Variants in TCF4 observed in about 807,000 individuals in gnomAD.
The protein encoded by TCF4 is transcription factor 4, also known as SL3-3 enhancer factor 2.
In TCF4, 3 loss-of-function variants were observed where a neutral mutation model predicts 82.1. That is an observed-to-expected ratio of 0.04 (90% CI 0.02 to 0.09). The LOEUF (loss-of-function observed/expected upper bound fraction) is 0.09, where lower values mean the gene tolerates loss of function less well. Among genes scored for constraint, TCF4 ranks in the 10% least tolerant of loss-of-function variants. The pLI is 1.00. For synonymous variants in TCF4, 276 were observed against 309.6 expected, an observed-to-expected ratio of 0.89 and a Z score of 1.14; for missense variants, 518 against 852.7, an observed-to-expected ratio of 0.61 and a Z score of 4.89.
At chr18:55,394,691 C>T (rs2093384063) in intron 6 of TCF4, among the ~76,000 whole-genome samples, 1 of 152,178 alleles carries the variant, frequency 6.6e-6, no homozygotes, top group South Asian at 2.1e-4. Context: ...AAGGCAAATG[C>T]AAAGAAATAT....
chr18:55,511,156 T>TATACTTTTAATATCATTTTCAACACAC (rs1603617905), intron 3 of TCF4, among the ~76,000 whole-genome samples: 1 of 152,136 alleles, frequency 6.6e-6, no homozygotes, highest in East Asian at 1.9e-4. Flanking sequence ...ACATAACACA[T>TATACTTTTAATATCATTTTCAACACAC]ATACTTTTAA....
intron 3 of TCF4, chr18:55,551,791 C>G (rs955517702): frequency 4.6e-5 from 7 of 151,656 alleles, no homozygotes; most frequent in Non-Finnish European, 1.0e-4. Flanking sequence ...GGAAATAGGA[C>G]TTTTTTTTTC....
intron 3 of TCF4, among the ~76,000 whole-genome samples, chr18:55,484,975 A>G (rs2096494495): frequency 6.6e-6 from 1 of 152,206 alleles, no homozygotes; most frequent in South Asian, 2.1e-4. Flanking sequence ...CCTACAGCCA[A>G]TCACACCCCT....
intron 3 of TCF4, among the ~76,000 whole-genome samples, chr18:55,509,334 G>GACACAC (rs35790117): frequency 2.5e-4 from 38 of 150,100 alleles, no homozygotes; most frequent in Non-Finnish European, 4.6e-4. Flanking sequence ...CACACAGACA[G>GACACAC]ACACACACAC....
intron 3 of TCF4, among the ~76,000 whole-genome samples, chr18:55,482,516 A>T (rs1197310145): frequency 1.3e-5 from 2 of 152,210 alleles, no homozygotes; most frequent in Non-Finnish European, 2.9e-5. Flanking sequence ...AGACAACCAC[A>T]GGTTGGAGAC....
chr18:55,455,498 C>T (rs902395115), intron 5 of TCF4, among the ~76,000 whole-genome samples: 3 of 144,056 alleles, frequency 2.1e-5, no homozygotes, highest in Non-Finnish European at 4.5e-5. Flanking sequence ...GAGTTGATGT[C>T]GAGATAACAT....
intron 6 of TCF4, among the ~76,000 whole-genome samples, chr18:55,365,621 T>C (rs1048798437): frequency 1.1e-4 from 17 of 152,184 alleles, no homozygotes; most frequent in African/African-American, 3.9e-4. Flanking sequence ...AAGTTTTGGC[T>C]GGGCACAGTG....
intron 11 of TCF4, chr18:55,268,853 T>C (rs2059754315): frequency 6.6e-6 from 1 of 152,184 alleles, no homozygotes; most frequent in Non-Finnish European, 1.5e-5. Context: ...CCACCGACGC[T>C]CTGACAGTGA....
Position 55,466,552 on chromosome 18 carries a change from G to T in TCF4, c.146-2415C>A, listed in dbSNP as rs147530284. 5.8e-3 allele frequency among the ~76,000 whole-genome samples: 880 copies of T among 152,190 alleles called. 8 individuals are homozygous for T. The highest frequency in any genetic ancestry group is 0.02 in the African/African-American group (814 of 41,520). ...TGACCCCAAATAAAAATTGTGTTGA[G>T]ATTGAGAAGCCCTGTGCTAGAGCAA... is the stretch of plus-strand genomic sequence containing the variant. On this transcript the variant is annotated intron_variant, in intron 3 of 19. Transcript: ENST00000354452.
At chr18:55,321,566 G>A (rs987982764) in intron 8 of TCF4, 12 of 1,477,060 alleles carry the variant, frequency 8.1e-6, no homozygotes, top group East Asian at 2.5e-5. Flanking sequence ...AGGAAGGTGC[G>A]GCAGTCCTGC....
chr18:55,325,650 C>CA (rs1180877746), intron 8 of TCF4, among the ~76,000 whole-genome samples: 3 of 152,128 alleles, frequency 2.0e-5, no homozygotes, highest in Non-Finnish European at 4.4e-5. Flanking sequence ...TGAACAACTC[C>CA]ATGTTTCTGT....
chr18:55,234,756 G>A (rs1390299859), intron 15 of TCF4, 73 bp from the exon 16 acceptor site: 2 of 1,607,004 alleles, frequency 1.2e-6, no homozygotes, highest in Non-Finnish European at 1.7e-6. Flanking sequence ...AGGCCAAGAG[G>A]ACCTGATGAA....
Position 55,234,586 on chromosome 18 carries a change from G to A in TCF4, c.1448C>T (p.Thr483Ile), listed in dbSNP as rs773663759. 6.2e-7 allele frequency: 1 copy of A among 1,614,152 alleles called. No homozygotes were observed. Among genetic ancestry groups the A allele is most frequent in the Non-Finnish European group, 8.5e-7 (1 of 1,180,008 alleles). ...PVPQLPVQSA[T>I]SPDLNPPQDP... ...CTGGGGTGGGTTCAGGTCAGGGGAA[G>A]TCGCAGACTGGACAGGAAGCTGTGG... Residue 483 changes from threonine to isoleucine, a missense_variant, in exon 16 of 20, where the codon ACT becomes ATT. This residue lies in a region of TCF4 where 144 missense variants were observed against 190.2 expected (regional missense o/e 0.76). Transcript: ENST00000354452.
At chr18:55,535,165 A>G (rs1011319599) in intron 3 of TCF4, among the ~76,000 whole-genome samples, 7 of 152,234 alleles carry the variant, frequency 4.6e-5, no homozygotes, top group African/African-American at 1.7e-4. Flanking sequence ...GTGTTCCAGT[A>G]GTCAGCTAAG....
intron 6 of TCF4, among the ~76,000 whole-genome samples, chr18:55,389,074 C>T (rs550939321): frequency 1.4e-4 from 21 of 151,504 alleles, no homozygotes; most frequent in Admixed American, 1.2e-3. Context: ...TGCAGTGAGC[C>T]GAGATCACAC....
intron 2 of TCF4, among the ~76,000 whole-genome samples, chr18:55,606,947 C>T (rs2097702713): frequency 6.6e-6 from 1 of 152,002 alleles, no homozygotes; most frequent in Non-Finnish European, 1.5e-5. Flanking sequence ...TATTATCCTC[C>T]CTAGAAATGC....
chr18:55,328,797 A>G (rs1273620178), intron 8 of TCF4, among the ~76,000 whole-genome samples: 3 of 152,224 alleles, frequency 2.0e-5, no homozygotes, highest in African/African-American at 7.2e-5. Context: ...TTGTGAATAA[A>G]TATCAGGCTT....
upstream of TCF4, chr18:55,588,581 T>G (rs1311962918): frequency 6.6e-7 from 1 of 1,521,914 alleles, no homozygotes; most frequent in African/African-American, 1.4e-5. Flanking sequence ...ATCCCCTCAC[T>G]TCTTTCTTTC....
intron 2 of TCF4, among the ~76,000 whole-genome samples, chr18:55,628,779 CTT>C (rs2097728972): frequency 6.6e-6 from 1 of 152,128 alleles, no homozygotes; most frequent in Admixed American, 6.5e-5. Flanking sequence ...TTTTGTATGT[CTT>C]TGTTTTGCAA....
Sources: allele counts gnomAD v4.1 joint callset (sites outside exome capture counted in the v4.1 genomes callset), GRCh38; gene constraint gnomAD v4.1.1; regional missense constraint gnomAD v4.1.1; transcripts MANE v1.5; gene names NCBI Gene and HGNC (gene_info 2026-07-23, HGNC 2026-07-21).